The following ADGRB3 variants were observed in gnomAD, a reference collection of about 807,000 sequenced individuals.
ADGRB3 encodes the protein adhesion G protein-coupled receptor B3, also known as brain-specific angiogenesis inhibitor 3.
ADGRB3 carries 37 observed loss-of-function variants against 193.4 expected under a neutral mutation model. The ratio of observed to expected loss-of-function variants is 0.19; its 90% confidence interval spans 0.15 to 0.25. The LOEUF is 0.25. Among genes scored for constraint, ADGRB3 ranks in the 10% least tolerant of loss-of-function variants. The pLI, the probability that ADGRB3 is intolerant of heterozygous loss-of-function variation, is 1.00. For synonymous variants in ADGRB3, 690 were observed against 644.2 expected, an observed-to-expected ratio of 1.07 and a Z score of -1.08; for missense variants, 1,637 against 1,852.9, an observed-to-expected ratio of 0.88 and a Z score of 2.14.
intron 3 of ADGRB3, among the ~76,000 whole-genome samples, chr6:68,860,056 G>A (rs746309621): frequency 1.3e-5 from 2 of 151,794 alleles, no homozygotes; most frequent in Non-Finnish European, 2.9e-5. Flanking sequence ...GAGAATACTG[G>A]CATTGTTTTA....
At chr6:69,333,814 C>A (rs1582638775) in intron 24 of ADGRB3, among the ~76,000 whole-genome samples, 1 of 150,980 alleles carries the variant, frequency 6.6e-6, no homozygotes, top group East Asian at 1.9e-4. Flanking sequence ...CCTGTAGTCC[C>A]AGCTACTCGG....
At chr6:68,809,234 G>T (rs1368595467) in intron 3 of ADGRB3, among the ~76,000 whole-genome samples, 1 of 152,164 alleles carries the variant, frequency 6.6e-6, no homozygotes, top group Non-Finnish European at 1.5e-5. Context: ...GTTGAAAGGT[G>T]CATTTGTTTT....
intron 3 of ADGRB3, among the ~76,000 whole-genome samples, chr6:68,723,416 G>C (rs1187201169): frequency 1.3e-5 from 2 of 151,622 alleles, no homozygotes; most frequent in East Asian, 3.9e-4. Context: ...GTCTTACCTG[G>C]TAAGCGACAG....
intron 3 of ADGRB3, among the ~76,000 whole-genome samples, chr6:68,772,985 A>G (rs1300800902): frequency 6.8e-6 from 1 of 147,286 alleles, no homozygotes; most frequent in Non-Finnish European, 1.5e-5. Context: ...GCATGGTAGT[A>G]CACGCCTTTA....
intron 3 of ADGRB3, among the ~76,000 whole-genome samples, chr6:68,825,900 T>C (rs538212326): frequency 6.6e-6 from 1 of 152,318 alleles, no homozygotes; most frequent in Non-Finnish European, 1.5e-5. Context: ...AGCAGCTCTC[T>C]ACAGCAGTGT....
intron 24 of ADGRB3, among the ~76,000 whole-genome samples, chr6:69,338,319 T>A (rs1768895760): frequency 6.6e-6 from 1 of 152,204 alleles, no homozygotes; most frequent in Admixed American, 6.5e-5. Context: ...AACTAATATT[T>A]CATCAAATTT....
chr6:69,074,197 A>G (rs1772160384), intron 16 of ADGRB3, among the ~76,000 whole-genome samples: 1 of 152,154 alleles, frequency 6.6e-6, no homozygotes, highest in African/African-American at 2.4e-5. Context: ...CCTTTCAGGG[A>G]ATTTTTAGAA....
chr6:68,643,936 A>G (rs1313262266), intron 3 of ADGRB3, among the ~76,000 whole-genome samples: 1 of 151,968 alleles, frequency 6.6e-6, no homozygotes, highest in Non-Finnish European at 1.5e-5. Context: ...TATCAGAAAA[A>G]AAAAAAAAAA....
At chr6:69,303,802 G>A (rs916348631) in intron 20 of ADGRB3, among the ~76,000 whole-genome samples, 5 of 151,970 alleles carry the variant, frequency 3.3e-5, no homozygotes, top group Non-Finnish European at 7.4e-5. Flanking sequence ...TGGGGAAAGT[G>A]ACTTTTATTT....
intron 3 of ADGRB3, among the ~76,000 whole-genome samples, chr6:68,799,069 T>A (rs944959717): frequency 1.3e-5 from 2 of 152,036 alleles, no homozygotes; most frequent in East Asian, 3.9e-4. Context: ...ATAGAAAACA[T>A]AAATACCTTT....
At chr6:69,172,319 T>A (rs1020925576) in intron 17 of ADGRB3, among the ~76,000 whole-genome samples, 2 of 151,840 alleles carry the variant, frequency 1.3e-5, no homozygotes, top group African/African-American at 4.8e-5. Flanking sequence ...TCGGGAGACA[T>A]CTCTCCTAGT....
At chr6:68,944,251 A>T (rs1252714372) in intron 6 of ADGRB3, among the ~76,000 whole-genome samples, 1 of 152,158 alleles carries the variant, frequency 6.6e-6, no homozygotes, top group Non-Finnish European at 1.5e-5. Context: ...TTTCACTAAG[A>T]CTTTTATCTG....
intron 17 of ADGRB3, among the ~76,000 whole-genome samples, chr6:69,164,740 A>C (rs1301525835): frequency 6.6e-6 from 1 of 152,102 alleles, no homozygotes; most frequent in Non-Finnish European, 1.5e-5. Flanking sequence ...AGTGAAATGA[A>C]TGAGACAGCG....
At chr6:68,985,220 T>TC (rs1769034867) in intron 10 of ADGRB3, among the ~76,000 whole-genome samples, 1 of 152,184 alleles carries the variant, frequency 6.6e-6, no homozygotes, top group Admixed American at 6.6e-5. Context: ...ACCAGAAGTG[T>TC]CCGCAGCACC....
At position 68,794,919 on chromosome 6, in the gene ADGRB3, G is replaced by A. The variant is rs115409872; in HGVS notation, c.758-135640G>A. ...AACACTCTATTTCCTCCTGCAATCT[G>A]CATAGATAAATCAGAGTATTTTTGA... On this transcript the variant is annotated intron_variant, in intron 3 of 31. Coordinates refer to ENST00000370598, the MANE Select transcript of ADGRB3 (RefSeq NM_001704.3). Among the ~76,000 whole-genome samples the A allele has an allele frequency of 9.6e-3, 1,463 of 152,130 alleles. 30 individuals are homozygous for A. Among genetic ancestry groups the A allele is most frequent in the African/African-American group, 0.034 (1,400 of 41,524 alleles).
chr6:68,862,035 C>T lies in ADGRB3; in HGVS notation c.758-68524C>T, dbSNP rs77367341. On this transcript the variant is annotated intron_variant, in intron 3 of 31. Coordinates refer to ENST00000370598, the MANE Select transcript of ADGRB3 (RefSeq NM_001704.3). The stretch of plus-strand genomic sequence containing the variant: ...TTGCTTCTCGGGAGCAAGTCAGACA[C>T]TGTCCTGTCCTGGATCCCAACTTCA... 8.5e-5 allele frequency among the ~76,000 whole-genome samples: 13 copies of T among 152,216 alleles called. No individual in the cohort carries two copies. In the East Asian group the frequency reaches 1.7e-3, roughly 20 times the overall value.
chr6:68,946,089 C>T (rs1375305622), intron 6 of ADGRB3, among the ~76,000 whole-genome samples: 4 of 151,996 alleles, frequency 2.6e-5, no homozygotes, highest in Non-Finnish European at 4.4e-5. Flanking sequence ...TTCTGACTTC[C>T]GTTGTTTTCA....
intron 17 of ADGRB3, among the ~76,000 whole-genome samples, chr6:69,226,286 A>G (rs904033974): frequency 1.3e-5 from 2 of 152,230 alleles, no homozygotes; most frequent in South Asian, 4.1e-4. Context: ...ATCATATTTA[A>G]TGATGAATAA....
intron 3 of ADGRB3, among the ~76,000 whole-genome samples, chr6:68,723,160 A>C (rs1306347876): frequency 6.6e-6 from 1 of 151,824 alleles, no homozygotes; most frequent in African/African-American, 2.4e-5. Flanking sequence ...TAATTTATTT[A>C]TGAAAACATA....
Sources: gnomAD v4.1 joint callset for allele counts (sites outside exome capture counted in the v4.1 genomes callset) on GRCh38, gnomAD v4.1.1 for gene constraint, MANE v1.5 for transcripts, NCBI Gene and HGNC (gene_info 2026-07-23, HGNC 2026-07-21) for gene names.